The following CHL1 variants were observed in gnomAD, a reference collection of about 807,000 sequenced individuals.
CHL1 encodes neural cell adhesion molecule L1-like protein.
CHL1 carries 96 observed loss-of-function variants against 141.9 expected under a neutral mutation model. That is an observed-to-expected ratio of 0.68 (90% CI 0.57 to 0.80). The LOEUF (loss-of-function observed/expected upper bound fraction) is 0.80. CHL1 is among the 30% of genes least tolerant of loss of function. The pLI, the probability that CHL1 is intolerant of heterozygous loss-of-function variation, is 0.00. For missense variants in CHL1, 1,820 were observed against 1,457.2 expected, an observed-to-expected ratio of 1.25 and a Z score of -4.05; for synonymous variants, 613 against 502.2, an observed-to-expected ratio of 1.22 and a Z score of -2.95.
At chr3:315,922 G>T (rs1700121006) in intron 2 of CHL1, among the ~76,000 whole-genome samples, 1 of 152,040 alleles carries the variant, frequency 6.6e-6, no homozygotes, top group Non-Finnish European at 1.5e-5. Flanking sequence ...AGAGAGAGGG[G>T]CTTCCCAGAG....
intron 1 of CHL1, among the ~76,000 whole-genome samples, chr3:215,543 A>T (rs1312323691): frequency 1.3e-5 from 2 of 152,208 alleles, no homozygotes; most frequent in Non-Finnish European, 2.9e-5. Flanking sequence ...AAATAACTAG[A>T]AGAGAGGATC....
intron 2 of CHL1, among the ~76,000 whole-genome samples, chr3:311,599 T>A (rs1423681327): frequency 6.6e-6 from 1 of 152,110 alleles, no homozygotes; most frequent in African/African-American, 2.4e-5. Flanking sequence ...AGCACCTTGG[T>A]TGTAATCCAA....
In CHL1 at chr3:398,364, G is replaced by C; in HGVS notation, c.3232G>C (p.Val1078Leu). ...CGATAATGATAGCATTTTTCAAGAT[G>C]TAATTGAGACAAGAGGGAGAGGTGA... The part of the protein sequence containing the change: ...WGDNDSIFQD[V>L]IETRGREYAG... The change falls in exon 25 of 28, where the codon GTA becomes CTA. Residue 1078 changes from valine to leucine, a missense_variant. Val to Leu is a conservative substitution (Grantham distance 32, BLOSUM62 1). Transcript: ENST00000256509. 1 of 1,602,342 alleles carries C rather than the reference G, an allele frequency of 6.2e-7. No homozygotes were observed. Among genetic ancestry groups the C allele is most frequent in the South Asian group, 1.1e-5 (1 of 90,730 alleles).
At chr3:355,650 G>A (rs34177368) in intron 11 of CHL1, among the ~76,000 whole-genome samples, 2 of 152,028 alleles carry the variant, frequency 1.3e-5, no homozygotes, top group South Asian at 2.1e-4. Context: ...AACAGACCTC[G>A]GGTCCCGTCT....
At chr3:368,865 G>A (rs2196038) in intron 15 of CHL1, among the ~76,000 whole-genome samples, 41,216 of 151,972 alleles carry the variant, frequency 0.27, 5,953 homozygotes, top group Middle Eastern at 0.47. Context: ...TTTCCCCAGC[G>A]CTTCGATTTG....
rs114217329 is a variant in CHL1 at position 339,850 on chromosome 3, A to G, written c.386-944A>G. 7.3e-3 allele frequency among the ~76,000 whole-genome samples: 1,119 copies of G among 152,290 alleles called. 17 individuals are homozygous for G. The highest frequency in any genetic ancestry group is 0.026 in the African/African-American group (1,073 of 41,556). On this transcript the variant is annotated intron_variant, in intron 5 of 27. Transcript: ENST00000256509. ...ATCGGTTGTGAATCATAATTTAAGAATGAAACATACAAATAAATACCTTCT... is the reference window on the plus strand; with the variant it reads ...ATCGGTTGTGAATCATAATTTAAGAGTGAAACATACAAATAAATACCTTCT...
chr3:272,531 A>G (rs1246856003), intron 2 of CHL1, among the ~76,000 whole-genome samples: 3 of 152,332 alleles, frequency 2.0e-5, no homozygotes, highest in African/African-American at 7.2e-5. Flanking sequence ...CAGGTAGCTA[A>G]TAGAGTACAC....
At position 196,939 on chromosome 3, in the gene CHL1, A is replaced by T. The variant is rs1346238353; in HGVS notation, c.-299A>T. ...GGACCAGCGGGCAGCGGCCGGCGAG[A>T]CCCTCCCTGGATCCGCCCAGAGCTT... is the stretch of plus-strand genomic sequence containing the variant. On this transcript the variant is annotated 5_prime_UTR_variant, in exon 1 of 28. Transcript: ENST00000256509. The T allele has an allele frequency of 6.6e-6, 1 of 152,114 alleles. No homozygotes were observed. Among genetic ancestry groups the T allele is most frequent in the Non-Finnish European group, 1.5e-5 (1 of 68,096 alleles). The allele number at this position is 152,114 out of a possible 1,614,324, so 9.4% of individuals were successfully genotyped here.
In CHL1 at chr3:346,136, A is replaced by C. The variant is rs909842075; in HGVS notation, c.848+1427A>C. On this transcript the variant is annotated intron_variant, in intron 9 of 27. Coordinates refer to ENST00000256509, the MANE Select transcript of CHL1 (RefSeq NM_006614.4). ...CATAATTTAGAGTACATTCTGAACG[A>C]CTGGTTTAGAAATGGAGCAGATTTT... Among the ~76,000 whole-genome samples, 50 of 152,182 alleles carry C rather than the reference A, an allele frequency of 3.3e-4. 1 individual carries two copies. The highest frequency in any genetic ancestry group is 3.2e-3 in the Admixed American group (49 of 15,276).
chr3:394,994 C>A lies in CHL1; in HGVS notation c.3094+122C>A, dbSNP rs572637922. On this transcript the variant is annotated intron_variant, in intron 24 of 27. Coordinates refer to ENST00000256509, the MANE Select transcript of CHL1 (RefSeq NM_006614.4). The stretch of plus-strand genomic sequence containing the variant: ...TGTAAATTAGAAATGATTGTGATCC[C>A]ACTCTGTCTGACCTTCTGTTTTCCA... 2.8e-5 allele frequency: 23 copies of A among 825,644 alleles called. No individual in the cohort carries two copies. The African/African-American group carries it at 3.7e-4, about 13-fold the overall frequency. 51.1% of individuals were successfully genotyped at this position (825,644 alleles called of 1,614,324 possible). A position where few individuals can be genotyped will look rare whatever the true frequency, so the allele number is the denominator to read the frequency against.
At chr3:239,187 T>C (rs1203733083) in intron 1 of CHL1, among the ~76,000 whole-genome samples, 1 of 152,188 alleles carries the variant, frequency 6.6e-6, no homozygotes, top group African/African-American at 2.4e-5. Context: ...TGGCTGCTGC[T>C]ACCGCAGCTG....
intron 3 of CHL1, among the ~76,000 whole-genome samples, chr3:324,577 A>G (rs1484253210): frequency 6.6e-6 from 1 of 151,744 alleles, no homozygotes; most frequent in Non-Finnish European, 1.5e-5. Flanking sequence ...TCGCTGCTCT[A>G]CTAGGTGAGA....
chr3:314,707 T>C (rs147172259), intron 2 of CHL1, among the ~76,000 whole-genome samples: 1 of 151,998 alleles, frequency 6.6e-6, no homozygotes, highest in African/African-American at 2.4e-5. Flanking sequence ...AACAGGGTAG[T>C]GCAGGCTTCT....
intron 11 of CHL1, among the ~76,000 whole-genome samples, chr3:359,342 C>T (rs973944519): frequency 6.6e-6 from 1 of 151,862 alleles, no homozygotes; most frequent in African/African-American, 2.4e-5. Flanking sequence ...CTCTCTCCAT[C>T]ACCCAGTCTG....
intron 24 of CHL1, among the ~76,000 whole-genome samples, chr3:395,348 T>C (rs536970092): frequency 6.6e-6 from 1 of 152,348 alleles, no homozygotes; most frequent in South Asian, 2.1e-4. Context: ...TGATGATGGA[T>C]GCCAAGCAAC....
intron 1 of CHL1, among the ~76,000 whole-genome samples, chr3:212,396 C>G (rs1245045715): frequency 6.6e-6 from 1 of 152,146 alleles, no homozygotes; most frequent in Non-Finnish European, 1.5e-5. Context: ...TACCATAAAG[C>G]CTGCTTCAAC....
intron 2 of CHL1, among the ~76,000 whole-genome samples, chr3:253,473 A>G (rs1353958662): frequency 1.3e-5 from 2 of 152,196 alleles, no homozygotes; most frequent in African/African-American, 4.8e-5. Context: ...GGGTCCCTGT[A>G]GCTGGTTCCC....
At chr3:315,396 T>C (rs1478282200) in intron 2 of CHL1, among the ~76,000 whole-genome samples, 1 of 152,154 alleles carries the variant, frequency 6.6e-6, no homozygotes, top group African/African-American at 2.4e-5. Context: ...GCTTTGCACT[T>C]ACTTGGGAGG....
chr3:241,683 G>A (rs578186308), intron 1 of CHL1, among the ~76,000 whole-genome samples: 50 of 151,264 alleles, frequency 3.3e-4, no homozygotes, highest in Middle Eastern at 3.4e-3. Flanking sequence ...TTAAATCTTA[G>A]TTACAAAGCA....
Sources: gnomAD v4.1 joint callset for allele counts (sites outside exome capture counted in the v4.1 genomes callset) on GRCh38, gnomAD v4.1.1 for gene constraint, MANE v1.5 for transcripts, NCBI Gene and HGNC (gene_info 2026-07-23, HGNC 2026-07-21) for gene names.